Variants in OR52N4 observed in about 807,000 individuals in gnomAD.
OR52N4 encodes olfactory receptor family 52 subfamily N member 4.
Under a neutral mutation model 15.0 loss-of-function variants are expected in OR52N4, and 15 were observed. The observed-to-expected ratio is 1.00, with a 90% CI of 0.67 to 1.54. The LOEUF (loss-of-function observed/expected upper bound fraction) is 1.54. Ranked by LOEUF, OR52N4 falls within the 40% of genes most tolerant of loss-of-function variation. OR52N4 has a pLI of 0.00. For synonymous variants in OR52N4, 143 were observed against 143.7 expected (o/e 1.00, Z 0.03); for missense variants, 421 against 394.0 (o/e 1.07, Z -0.58).
the OR52N4 span, among the ~76,000 whole-genome samples, chr11:5,729,863 C>G: frequency 6.6e-6 from 1 of 152,068 alleles, no homozygotes; most frequent in East Asian, 1.9e-4. Context: ...GCCATTATTT[C>G]CTCCTTTCTT....
chr11:5,754,673 G>GTTTTTTTTT lies in OR52N4; in HGVS notation c.-48-17_-48-9dup. 8.3e-7 allele frequency: 1 copy of GTTTTTTTTT among 1,205,020 alleles called. No individual in the cohort carries two copies. The highest frequency in any genetic ancestry group is 1.6e-5 in the African/African-American group (1 of 63,184). 74.6% of individuals were successfully genotyped at this position (1,205,020 alleles called of 1,614,324 possible). The stretch of plus-strand genomic sequence containing the variant: ...GTAAAAATAACCTATATTTTCTCTT[G>GTTTTTTTTT]TTTTTTTTTTTAACTCTAGGAAAGC... On this transcript the variant is annotated intron_variant, in intron 1 of 1. Transcript: ENST00000641350.
At chr11:5,748,545 C>A in the OR52N4 span, among the ~76,000 whole-genome samples, 5 of 151,650 alleles carry the variant, frequency 3.3e-5, no homozygotes, top group African/African-American at 1.2e-4. Flanking sequence ...TAATTCATTT[C>A]TCTCACTTGA....
chr11:5,752,669 G>A (rs148853858), upstream of OR52N4, among the ~76,000 whole-genome samples: 278 of 152,188 alleles, frequency 1.8e-3, 2 homozygotes, highest in African/African-American at 6.3e-3. Context: ...ACATACATAT[G>A]CAATTTTACA....
At position 5,755,148 on chromosome 11, in the gene OR52N4, T is replaced by C. The variant is rs181221129; in HGVS notation, c.408T>C (p.Thr136=). ...TCTGCTACCCCTTACGCTATTCAAC[T>C]ATCCTCACCAATCCTGTAATTGCAA... ...VAICYPLRYS[T]ILTNPVIAKV... The change falls in exon 2 of 2, where the codon ACT becomes ACC. Residue 136 remains threonine (T), a synonymous_variant. Coordinates refer to ENST00000641350, the MANE Select transcript of OR52N4 (RefSeq NM_001005175.5). 1.9e-6 allele frequency: 3 copies of C among 1,614,050 alleles called. No individual in the cohort carries two copies. In the South Asian group the frequency reaches 3.3e-5, roughly 18 times the overall value.
chr11:5,738,051 A>G, the OR52N4 span: 7 of 153,866 alleles, frequency 4.5e-5, no homozygotes, highest in African/African-American at 1.7e-4. Context: ...GACAGAACCC[A>G]AAAGATTCAT....
the OR52N4 span, among the ~76,000 whole-genome samples, chr11:5,733,684 TG>T: frequency 1.3e-4 from 20 of 152,334 alleles, 1 homozygote; most frequent in African/African-American, 4.8e-4. Context: ...GAACGATGAC[TG>T]TTCTATTGAT....
chr11:5,733,848 C>T, the OR52N4 span, among the ~76,000 whole-genome samples: 1 of 152,162 alleles, frequency 6.6e-6, no homozygotes, highest in Non-Finnish European at 1.5e-5. Context: ...TTCAAACACT[C>T]TAAAATTTCT....
chr11:5,741,292 T>C, the OR52N4 span, among the ~76,000 whole-genome samples: 3 of 152,196 alleles, frequency 2.0e-5, no homozygotes, highest in Non-Finnish European at 4.4e-5. Flanking sequence ...ACATAGAGAA[T>C]AAGCAATAAT....
chr11:5,755,396 C>T lies in OR52N4; in HGVS notation c.656C>T (p.Ser219Phe), dbSNP rs142159415. Residue 219 changes from serine to phenylalanine, a missense_variant, in exon 2 of 2, where the codon TCC becomes TTC. Coordinates refer to ENST00000641350, the MANE Select transcript of OR52N4 (RefSeq NM_001005175.5). ...WGFDILCITN[S>F]YTMILRAVVS... ...TTTGACATACTGTGTATCACCAACT[C>T]CTATACCATGATTCTCCGGGCAGTG... The T allele has an allele frequency of 8.3e-3, 13,353 of 1,613,994 alleles. 64 individuals carry two copies. The highest frequency in any genetic ancestry group is 1.0e-2 in the Non-Finnish European group (11,744 of 1,179,942).
chr11:5,754,060 C>T (rs1444322848), upstream of OR52N4, among the ~76,000 whole-genome samples: 3 of 150,540 alleles, frequency 2.0e-5, no homozygotes, highest in Non-Finnish European at 4.4e-5. Flanking sequence ...AAACATTTAT[C>T]CTTTGTGTTA....
the OR52N4 span, chr11:5,738,167 G>A: frequency 2.6e-5 from 4 of 152,230 alleles, no homozygotes; most frequent in Admixed American, 6.5e-5. Flanking sequence ...CATATTGTAA[G>A]CCCAAACTCC....
At chr11:5,729,053 A>G in the OR52N4 span, among the ~76,000 whole-genome samples, 2 of 146,862 alleles carry the variant, frequency 1.4e-5, no homozygotes, top group Admixed American at 6.8e-5. Context: ...CCCACCCCAC[A>G]ACAGACCCCG....
the OR52N4 span, among the ~76,000 whole-genome samples, chr11:5,741,542 A>G: frequency 6.6e-6 from 1 of 152,230 alleles, no homozygotes; most frequent in Non-Finnish European, 1.5e-5. Flanking sequence ...AGGCCAAAAG[A>G]GTCACCAGAA....
chr11:5,729,722 G>C, the OR52N4 span, among the ~76,000 whole-genome samples: 4 of 152,078 alleles, frequency 2.6e-5, no homozygotes, highest in Non-Finnish European at 5.9e-5. Flanking sequence ...TTTATATCAT[G>C]ATCAACCCCT....
the OR52N4 span, among the ~76,000 whole-genome samples, chr11:5,742,881 A>G: frequency 6.6e-6 from 1 of 152,276 alleles, no homozygotes; most frequent in East Asian, 1.9e-4. Flanking sequence ...CAAGAACAAA[A>G]TCTCATGTAT....
At chr11:5,733,378 C>A in the OR52N4 span, among the ~76,000 whole-genome samples, 1 of 152,064 alleles carries the variant, frequency 6.6e-6, no homozygotes, top group Non-Finnish European at 1.5e-5. Flanking sequence ...CTTGACTATG[C>A]CTTGATCCCT....
the OR52N4 span, among the ~76,000 whole-genome samples, chr11:5,749,060 A>G: frequency 6.6e-6 from 1 of 151,888 alleles, no homozygotes; most frequent in Non-Finnish European, 1.5e-5. Flanking sequence ...ATTTTTTTTA[A>G]GGCTCAGTTC....
chr11:5,743,675 T>C, the OR52N4 span, among the ~76,000 whole-genome samples: 2 of 152,154 alleles, frequency 1.3e-5, no homozygotes, highest in African/African-American at 2.4e-5. Context: ...TTTTTAAACA[T>C]TGAAACACAT....
chr11:5,753,325 T>C (rs1340561391), upstream of OR52N4, among the ~76,000 whole-genome samples: 2 of 152,150 alleles, frequency 1.3e-5, no homozygotes, highest in African/African-American at 4.8e-5. Flanking sequence ...GGTATGTCAC[T>C]ACATACCAAA....
Sources: allele counts gnomAD v4.1 joint callset (sites outside exome capture counted in the v4.1 genomes callset), GRCh38; gene constraint gnomAD v4.1.1; transcripts MANE v1.5; gene names NCBI Gene and HGNC (gene_info 2026-07-23, HGNC 2026-07-21).